PURG: variants seen among roughly 807,000 people sequenced by gnomAD.
The protein encoded by PURG is purine rich element binding protein G.
PURG carries 3 observed loss-of-function variants against 24.3 expected under a neutral mutation model. The observed-to-expected ratio is 0.12, with a 90% confidence interval of 0.06 to 0.32. The LOEUF (loss-of-function observed/expected upper bound fraction) is 0.32. PURG is among the 10% of genes least tolerant of loss of function. The probability of loss-of-function intolerance (pLI) is 1.00; values close to 1 mark genes in which losing one functional copy is unlikely to be tolerated. For missense variants in PURG, 371 were observed against 439.1 expected (o/e 0.84, Z 1.39); for synonymous variants, 180 against 173.1 (o/e 1.04, Z -0.31).
intron 1 of PURG, among the ~76,000 whole-genome samples, chr8:31,015,983 G>T (rs932096193): frequency 6.6e-6 from 1 of 152,170 alleles, no homozygotes; most frequent in African/African-American, 2.4e-5. Flanking sequence ...TGCCTGCCAA[G>T]TCGAGGCTGC....
chr8:31,005,137 G>A (rs1427108669), intron 1 of PURG, among the ~76,000 whole-genome samples: 2 of 152,110 alleles, frequency 1.3e-5, no homozygotes, highest in African/African-American at 2.4e-5. Flanking sequence ...GCCAAACAGA[G>A]AAAAATACAC....
At chr8:31,029,420 T>C (rs1260888699), downstream of PURG, among the ~76,000 whole-genome samples, 3 of 151,748 alleles carry the variant, frequency 2.0e-5, no homozygotes, top group Non-Finnish European at 4.4e-5. Flanking sequence ...AATGTTTATA[T>C]ACAATGAGTT....
Position 31,031,800 on chromosome 8 carries a change from T to A in PURG, c.983A>T (p.His328Leu), listed in dbSNP as rs368144065. ...EEEMRKICNSHKEKRMDGRKA... is the reference protein window; with the variant it reads ...EEEMRKICNSLKEKRMDGRKA... ...TCTGCCATCCATTCTCTTTTCTTTATGGCTGTTGCAAATTTTCCTCATCTC... is the reference window on the plus strand; with the variant it reads ...TCTGCCATCCATTCTCTTTTCTTTAAGGCTGTTGCAAATTTTCCTCATCTC... The change falls in exon 2 of 2, where the codon CAT becomes CTT. Residue 328 changes from histidine to leucine, a missense_variant. Around this residue, in one of 5 missense-constraint regions of PURG, gnomAD observed 103 missense variants for 127.7 expected, o/e 0.81. Transcript: ENST00000523392. The A allele has an allele frequency of 2.6e-6, 4 of 1,555,474 alleles. No homozygotes were observed. Among genetic ancestry groups the A allele is most frequent in the Non-Finnish European group, 3.5e-6 (4 of 1,148,832 alleles).
chr8:31,031,823 C>G lies in PURG; in HGVS notation c.960G>C (p.Glu320Asp). The change falls in exon 2 of 2, where the codon GAG becomes GAC. Residue 320 changes from glutamate to aspartate, a missense_variant. This residue lies in a region of PURG where 103 missense variants were observed against 127.7 expected (regional missense o/e 0.81). Transcript: ENST00000523392. ...FGENFIKYEE[E>D]MRKICNSHKE... ...TATGGCTGTTGCAAATTTTCCTCAT[C>G]TCTTCTTCATACTTGATAAAATTCT... The G allele has an allele frequency of 6.4e-7, 1 of 1,571,562 alleles. No individual in the cohort carries two copies. Among genetic ancestry groups the G allele is most frequent in the African/African-American group, 1.4e-5 (1 of 73,970 alleles).
Position 31,013,534 on chromosome 8 carries a change from C to T in PURG, c.865-16837G>A, listed in dbSNP as rs192505572. 1.2e-3 allele frequency among the ~76,000 whole-genome samples: 185 copies of T among 152,148 alleles called. 1 individual carries two copies. In the Middle Eastern group the frequency reaches 0.014, roughly 11 times the overall value. Reference sequence around the variant, plus strand: ...AGGAGGATTACCTGAGGCAGGAGTTCGAGACTAGCCCGGCCAACATGGTGA... The same window carrying T: ...AGGAGGATTACCTGAGGCAGGAGTTTGAGACTAGCCCGGCCAACATGGTGA... On this transcript the variant is annotated intron_variant, in intron 1 of 1. Coordinates refer to the PURG transcript ENST00000339382.
downstream of PURG, among the ~76,000 whole-genome samples, chr8:31,030,268 G>A (rs1687280913): frequency 6.6e-6 from 1 of 151,928 alleles, no homozygotes; most frequent in South Asian, 2.1e-4. Flanking sequence ...GTGATATTTG[G>A]GGGTTGAAAT....
chr8:31,017,512 T>C (rs1056000843), intron 1 of PURG, among the ~76,000 whole-genome samples: 1 of 152,132 alleles, frequency 6.6e-6, no homozygotes, highest in African/African-American at 2.4e-5. Flanking sequence ...ATGTGCAATA[T>C]AGTTTATAGA....
intron 1 of PURG, among the ~76,000 whole-genome samples, chr8:31,010,092 G>T (rs979416136): frequency 2.0e-5 from 3 of 151,916 alleles, no homozygotes; most frequent in Admixed American, 1.3e-4. Flanking sequence ...GCAAGACCCT[G>T]TCTTGAAAAA....
At position 31,033,224 on chromosome 8, in the gene PURG, G is replaced by A. The variant is rs1447134817; in HGVS notation, c.-153C>T. 5.4e-6 allele frequency: 1 copy of A among 185,326 alleles called. No homozygotes were observed. The highest frequency in any genetic ancestry group is 1.1e-5 in the Non-Finnish European group (1 of 90,898). The allele number at this position is 185,326 out of a possible 1,614,324, so 11.5% of individuals were successfully genotyped here. On this transcript the variant is annotated 5_prime_UTR_variant, in exon 1 of 2. Transcript: ENST00000523392. Reference sequence around the variant, plus strand: ...CCGCCGCTCGCACTGCCCCCCGCCGGAGCAGCCGGGCAGGGGCATCGCCCG... The same window carrying A: ...CCGCCGCTCGCACTGCCCCCCGCCGAAGCAGCCGGGCAGGGGCATCGCCCG...
chr8:31,009,212 G>A (rs1810717920), intron 1 of PURG, among the ~76,000 whole-genome samples: 1 of 152,106 alleles, frequency 6.6e-6, no homozygotes, highest in Non-Finnish European at 1.5e-5. Context: ...ATCACTTGAG[G>A]TCAGGAGTTC....
intron 1 of PURG, among the ~76,000 whole-genome samples, chr8:31,018,718 G>C (rs1810920466): frequency 6.6e-6 from 1 of 151,988 alleles, no homozygotes; most frequent in African/African-American, 2.4e-5. Context: ...ATCATTCAAA[G>C]GTAGTAGCTG....
intron 1 of PURG, among the ~76,000 whole-genome samples, chr8:31,016,110 T>C (rs1360386623): frequency 1.3e-5 from 2 of 152,080 alleles, no homozygotes; most frequent in African/African-American, 4.8e-5. Flanking sequence ...CCAGGCACAG[T>C]GGCTCACACC....
intron 1 of PURG, among the ~76,000 whole-genome samples, chr8:31,007,566 A>G (rs902137635): frequency 6.6e-6 from 1 of 151,698 alleles, no homozygotes; most frequent in African/African-American, 2.4e-5. Flanking sequence ...AGAAAAACAG[A>G]CACTGAACAG....
At chr8:31,006,064 T>C (rs1810643642) in intron 1 of PURG, among the ~76,000 whole-genome samples, 1 of 152,156 alleles carries the variant, frequency 6.6e-6, no homozygotes, top group South Asian at 2.1e-4. Flanking sequence ...GAGCCTAACT[T>C]ATGACTACCT....
chr8:31,032,922 C>G lies in PURG; in HGVS notation c.-6-134G>C, dbSNP rs1811276499. 1.9e-6 allele frequency: 1 copy of G among 538,648 alleles called. No individual in the cohort carries two copies. Among genetic ancestry groups the G allele is most frequent in the Non-Finnish European group, 2.5e-6 (1 of 393,200 alleles). 33.4% of individuals were successfully genotyped at this position (538,648 alleles called of 1,614,324 possible). A position where few individuals can be genotyped will look rare whatever the true frequency, so the allele number is the denominator to read the frequency against. On this transcript the variant is annotated intron_variant, in intron 1 of 1. Transcript: ENST00000523392. This position sits in a 1 kb window ranked among gnomAD's most constrained non-coding sequence, Gnocchi z 5.9. ...GGGCCCGGCTCCCCCGGCGCCGCAGCGCGGGGCTCCAGCCACTGCCGGCCG... is the reference window on the plus strand; with the variant it reads ...GGGCCCGGCTCCCCCGGCGCCGCAGGGCGGGGCTCCAGCCACTGCCGGCCG...
chr8:31,016,585 A>AC (rs1335885914), intron 1 of PURG, among the ~76,000 whole-genome samples: 22 of 138,460 alleles, frequency 1.6e-4, no homozygotes, highest in African/African-American at 5.1e-4. Flanking sequence ...AAGAACCAAA[A>AC]AAAAAAAAAA....
chr8:31,018,052 T>C (rs1810909419), intron 1 of PURG, among the ~76,000 whole-genome samples: 1 of 152,202 alleles, frequency 6.6e-6, no homozygotes, highest in South Asian at 2.1e-4. Flanking sequence ...AAAAGTTTCT[T>C]TGAAGATTAT....
chr8:31,019,160 A>T (rs7835989), intron 1 of PURG, among the ~76,000 whole-genome samples: 22 of 56,324 alleles, frequency 3.9e-4, no homozygotes, highest in African/African-American at 1.7e-3. Context: ...AAAAAAAAAA[A>T]ATATATATAT....
rs112248448 is a variant in PURG, at chr8:31,003,221, C to T, written c.865-6524G>A. Among the ~76,000 whole-genome samples the T allele has an allele frequency of 1.8e-3, 277 of 151,932 alleles. 1 individual carries two copies. Among genetic ancestry groups the T allele is most frequent in the African/African-American group, 6.0e-3 (247 of 41,436 alleles). On this transcript the variant is annotated intron_variant, in intron 1 of 1. Coordinates refer to the PURG transcript ENST00000339382. ...TGGTAAAACAACTTAGGAACCTGAA[C>T]AAAAAAGTAAGTATGATAGGGGAAA...
Sources: gnomAD v4.1 joint callset for allele counts (sites outside exome capture counted in the v4.1 genomes callset) on GRCh38, gnomAD v4.1.1 for gene constraint, gnomAD v4.1.1 regional missense constraint, Gnocchi (gnomAD v3.1) non-coding constraint, MANE v1.5 for transcripts, NCBI Gene and HGNC (gene_info 2026-07-23, HGNC 2026-07-21) for gene names.